Variants in MGA observed in about 807,000 individuals in gnomAD.
The protein encoded by MGA is MAX gene-associated protein.
In MGA, 40 loss-of-function variants were observed where a neutral mutation model predicts 261.1. The observed-to-expected ratio is 0.15, with a 90% CI of 0.12 to 0.20. MGA has a LOEUF of 0.20. Ranked by LOEUF, MGA falls within the 10% of genes least tolerant of loss-of-function variation. MGA has a pLI of 1.00. For missense variants in MGA, 3,397 were observed against 3,630.5 expected (o/e 0.94, Z 1.65); for synonymous variants, 1,302 against 1,290.6 (o/e 1.01, Z -0.19).
intron 1 of MGA, among the ~76,000 whole-genome samples, chr15:41,632,306 A>G (rs1020349151): frequency 6.6e-5 from 10 of 152,196 alleles, no homozygotes; most frequent in African/African-American, 2.4e-4. Flanking sequence ...TACTCTGTTG[A>G]TAACAGAATG....
chr15:41,626,434 T>A (rs941537909), intron 1 of MGA, among the ~76,000 whole-genome samples: 2 of 152,018 alleles, frequency 1.3e-5, no homozygotes, highest in African/African-American at 2.4e-5. Context: ...TTTTTTAAAA[T>A]TTTTTTAGAC....
intron 1 of MGA, among the ~76,000 whole-genome samples, chr15:41,651,829 CCTCCCCCTCTCCTCTCCCCTCTT>C: frequency 2.0e-5 from 1 of 50,486 alleles, no homozygotes; most frequent in Non-Finnish European, 4.0e-5. Context: ...TCTCCTCTCC[CCTCCCCCTCTCCTCTCCCCTCTT>C]TTCCCCTCTT....
In MGA at chr15:41,769,517, G is replaced by A. The variant is rs979420280; in HGVS notation, c.*2237G>A. On this transcript the variant is annotated 3_prime_UTR_variant, in exon 24 of 24. Transcript: ENST00000219905. ...GTGTTGTCAGGGATAATTTGAGGAG[G>A]GCTTAGTCTTCAGAACAATCCTGCA... 2 of 151,798 alleles carry A rather than the reference G, an allele frequency of 1.3e-5. No homozygotes were observed. The highest frequency in any genetic ancestry group is 3.9e-4 in the East Asian group (2 of 5,170). The allele number at this position is 151,798 out of a possible 1,614,324, so 9.4% of individuals were successfully genotyped here.
At chr15:41,621,993 G>T (rs1266025547) in intron 1 of MGA, among the ~76,000 whole-genome samples, 1 of 151,368 alleles carries the variant, frequency 6.6e-6, no homozygotes, top group Non-Finnish European at 1.5e-5. Context: ...GCCGCGTGAA[G>T]GTCACATGAC....
chr15:41,690,995 T>TG (rs34165574), intron 2 of MGA, among the ~76,000 whole-genome samples: 29 of 48,006 alleles, frequency 6.0e-4, no homozygotes, highest in African/African-American at 1.7e-3. Flanking sequence ...GATTGCTTTG[T>TG]TTTTTTTTTT....
intron 5 of MGA, among the ~76,000 whole-genome samples, chr15:41,702,395 C>T (rs1017675741): frequency 6.6e-6 from 1 of 151,174 alleles, no homozygotes; most frequent in Non-Finnish European, 1.5e-5. Context: ...TTTGTATTAA[C>T]TGGGTGATGC....
chr15:41,736,866 C>A (rs1009073507), intron 13 of MGA, among the ~76,000 whole-genome samples, 168 bp downstream of exon 13: 1 of 152,120 alleles, frequency 6.6e-6, no homozygotes, highest in Non-Finnish European at 1.5e-5. Context: ...AGATGCATAC[C>A]TAGAGTGAAT....
chr15:41,639,117 C>T (rs933231045), intron 1 of MGA, among the ~76,000 whole-genome samples: 2 of 152,154 alleles, frequency 1.3e-5, no homozygotes, highest in Admixed American at 1.3e-4. Context: ...TCCTTCTCTT[C>T]CTGGTTGGGG....
At chr15:41,711,421 G>A in intron 8 of MGA, 72 bp downstream of exon 8, 1 of 1,435,892 alleles carries the variant, frequency 7.0e-7, no homozygotes, top group Non-Finnish European at 9.3e-7. Flanking sequence ...AGGGGAAATG[G>A]GAATGGTACT....
At chr15:41,677,556 A>T (rs1027756858) in intron 2 of MGA, among the ~76,000 whole-genome samples, 1 of 152,192 alleles carries the variant, frequency 6.6e-6, no homozygotes, top group Non-Finnish European at 1.5e-5. Flanking sequence ...ACCACTCTAT[A>T]TTCCCATCAA....
At chr15:41,631,491 G>C (rs574832489) in intron 1 of MGA, among the ~76,000 whole-genome samples, 6 of 152,194 alleles carry the variant, frequency 3.9e-5, no homozygotes, top group Non-Finnish European at 7.4e-5. Context: ...AACATAGCGA[G>C]ACCCTGTCTC....
intron 5 of MGA, among the ~76,000 whole-genome samples, chr15:41,706,281 G>A: frequency 6.8e-6 from 1 of 148,034 alleles, no homozygotes; most frequent in African/African-American, 2.5e-5. Context: ...ATACAATAAA[G>A]ATATGTTAAA....
rs2063935275 is a variant in MGA at position 41,769,135 on chromosome 15, T to C, written c.*1855T>C. 2 of 152,644 alleles carry C rather than the reference T, an allele frequency of 1.3e-5. No individual in the cohort carries two copies. Among genetic ancestry groups the C allele is most frequent in the African/African-American group, 4.8e-5 (2 of 41,432 alleles). The allele number at this position is 152,644 out of a possible 1,614,324, so 9.5% of individuals were successfully genotyped here. A position where few individuals can be genotyped will look rare whatever the true frequency, so the allele number is the denominator to read the frequency against. On this transcript the variant is annotated 3_prime_UTR_variant, in exon 24 of 24. Coordinates refer to ENST00000219905, the MANE Select transcript of MGA (RefSeq NM_001164273.2). ...ATTGTCCTTAGAGATGCTAGTACTT[T>C]AATCCAGGTATAGCAGTTTCCCGTT...
At chr15:41,661,059 T>C (rs1217974797) in intron 1 of MGA, among the ~76,000 whole-genome samples, 1 of 152,200 alleles carries the variant, frequency 6.6e-6, no homozygotes, top group Non-Finnish European at 1.5e-5. Context: ...TTCTAACAAG[T>C]AATTTCCGGC....
intron 9 of MGA, among the ~76,000 whole-genome samples, chr15:41,722,668 A>G (rs768833390): frequency 2.6e-5 from 4 of 152,174 alleles, no homozygotes; most frequent in Admixed American, 6.5e-5. Context: ...TATAAATGCT[A>G]TATTTCATTA....
rs2151992950 is a variant in MGA at position 41,760,440 on chromosome 15, G to A, written c.7309G>A (p.Gly2437Ser). The stretch of plus-strand genomic sequence containing the variant: ...CACTGCCAATGAGCGGCGGCGGCGT[G>A]GTGAAATGAGGGATCTCTTTGAGAA... The change falls in exon 20 of 24, where the codon GGT (glycine) becomes AGT (serine). Residue 2437 changes from glycine to serine, a missense_variant. Transcript: ENST00000219905. 6.2e-7 allele frequency: 1 copy of A among 1,613,944 alleles called. No homozygotes were observed. The highest frequency in any genetic ancestry group is 8.5e-7 in the Non-Finnish European group (1 of 1,179,884).
At chr15:41,702,344 A>G (rs1031065150) in intron 5 of MGA, among the ~76,000 whole-genome samples, 2 of 150,808 alleles carry the variant, frequency 1.3e-5, no homozygotes, top group East Asian at 3.9e-4. Context: ...AAAAAGCTGG[A>G]CTTAAACAGT....
rs569576589 is a variant in MGA at position 41,732,240 on chromosome 15, C to G, written c.3844-2282C>G. Reference sequence around the variant, plus strand: ...CTCAGCTCACTGCAAGCTTCGCTTTCCAGTTCACGCCATTCTCCTGCCTTA... The same window carrying G: ...CTCAGCTCACTGCAAGCTTCGCTTTGCAGTTCACGCCATTCTCCTGCCTTA... On this transcript the variant is annotated intron_variant, in intron 11 of 23. Coordinates refer to ENST00000219905, the MANE Select transcript of MGA (RefSeq NM_001164273.2). Among the ~76,000 whole-genome samples the G allele has an allele frequency of 1.4e-4, 21 of 151,482 alleles. No individual in the cohort carries two copies. In the South Asian group the frequency reaches 4.4e-3, roughly 32 times the overall value.
chr15:41,671,109 GTCC>G (rs2058035328), intron 2 of MGA, among the ~76,000 whole-genome samples: 1 of 152,138 alleles, frequency 6.6e-6, no homozygotes, highest in Non-Finnish European at 1.5e-5. Flanking sequence ...CCTGGCACCA[GTCC>G]TCCTCAGATA....
Sources: gnomAD v4.1 joint callset for allele counts (sites outside exome capture counted in the v4.1 genomes callset) on GRCh38, gnomAD v4.1.1 for gene constraint, MANE v1.5 for transcripts, NCBI Gene and HGNC (gene_info 2026-07-23, HGNC 2026-07-21) for gene names.